The following ALDH3B1 variants were observed in gnomAD, a reference collection of about 807,000 sequenced individuals.
ALDH3B1 encodes the protein aldehyde dehydrogenase 3 family member B1.
A neutral mutation model predicts 46.2 loss-of-function variants in ALDH3B1; 37 were observed. The observed-to-expected ratio is 0.80, with a 90% CI of 0.62 to 1.05. The LOEUF is 1.05. ALDH3B1 is among the 50% of genes least tolerant of loss of function. The probability of loss-of-function intolerance (pLI) is 0.00; values close to 1 mark genes in which losing one functional copy is unlikely to be tolerated. For missense variants in ALDH3B1, 603 were observed against 665.5 expected, an observed-to-expected ratio of 0.91 and a Z score of 1.03; for synonymous variants, 283 against 281.0, an observed-to-expected ratio of 1.01 and a Z score of -0.07.
At position 68,021,645 on chromosome 11, in the gene ALDH3B1, C is replaced by A. The variant is rs374973115; in HGVS notation, c.723C>A (p.Gly241=). The change falls in exon 7 of 10, where the codon GGC becomes GGA. Residue 241 remains glycine, a synonymous_variant. Coordinates refer to ENST00000342456, the MANE Select transcript of ALDH3B1 (RefSeq NM_000694.4). ...CCTGGTTCCGCTACTTCAACGCCGG[C>A]CAGACCTGCGTGGCCCCCGACTACG... is the stretch of plus-strand genomic sequence containing the variant. ...RVAWFRYFNA[G]QTCVAPDYVL... 1 of 1,613,912 alleles carries A rather than the reference C, an allele frequency of 6.2e-7. No individual in the cohort carries two copies. Among genetic ancestry groups the A allele is most frequent in the African/African-American group, 1.3e-5 (1 of 74,896 alleles).
At chr11:68,019,069 C>A in intron 4 of ALDH3B1, 101 bp from the exon 5 acceptor site, 3 of 1,470,990 alleles carry the variant, frequency 2.0e-6, no homozygotes, top group South Asian at 1.2e-5. Context: ...GAACCAGGTT[C>A]TGCATCTGAA....
chr11:68,029,265 C>A lies in ALDH3B1; in HGVS notation c.*1326C>A, dbSNP rs1854682051. 2 of 152,390 alleles carry A rather than the reference C, an allele frequency of 1.3e-5. No individual in the cohort carries two copies. The highest frequency in any genetic ancestry group is 4.8e-5 in the African/African-American group (2 of 41,578). The allele number at this position is 152,390 out of a possible 1,614,324, so 9.4% of individuals were successfully genotyped here. A position where few individuals can be genotyped will look rare whatever the true frequency, so the allele number is the denominator to read the frequency against. On this transcript the variant is annotated 3_prime_UTR_variant, in exon 10 of 10. Coordinates refer to ENST00000342456, the MANE Select transcript of ALDH3B1 (RefSeq NM_000694.4). ...GCTGATGTCACCTGAATAAAGCCTT[C>A]TTCCCTGGCAATACTTACATCTCAG...
At chr11:68,018,931 C>T (rs781235814) in intron 4 of ALDH3B1, 38 bp downstream of exon 4, 22 of 1,536,298 alleles carry the variant, frequency 1.4e-5, no homozygotes, top group South Asian at 4.8e-5. Context: ...CACCCTTCTC[C>T]GCTCGAGGCC....
intron 2 of ALDH3B1, chr11:68,015,705 A>C: frequency 1.5e-6 from 1 of 682,948 alleles, no homozygotes; most frequent in Non-Finnish European, 2.7e-6. Context: ...ATAGCAGAGA[A>C]TAAAACACAG....
Position 68,021,670 on chromosome 11 carries a change from G to A in ALDH3B1, c.748G>A (p.Val250Ile), listed in dbSNP as rs1232456245. ...AGQTCVAPDY[V>I]LCSPEMQERL... is the part of the protein sequence containing the mutation. ...CCAGACCTGCGTGGCCCCCGACTAC[G>A]TCCTATGCAGCCCTGAGATGCAGGA... The change falls in exon 7 of 10, where the codon GTC (valine) becomes ATC (isoleucine). Residue 250 changes from valine to isoleucine, a missense_variant. Transcript: ENST00000342456. The A allele has an allele frequency of 8.1e-6, 13 of 1,613,886 alleles. No homozygotes were observed. Among genetic ancestry groups the A allele is most frequent in the Non-Finnish European group, 1.0e-5 (12 of 1,179,982 alleles).
At position 68,022,678 on chromosome 11, in the gene ALDH3B1, G is replaced by GA. The variant is rs1857532414; in HGVS notation, c.1033_1034insA (p.Val345AspfsTer137). 1.2e-6 allele frequency: 2 copies of GA among 1,614,050 alleles called. No individual in the cohort carries two copies. Among genetic ancestry groups the GA allele is most frequent in the African/African-American group, 2.7e-5 (2 of 74,916 alleles). On this transcript the variant is annotated frameshift_variant, in exon 8 of 10. Transcript: ENST00000342456. LOFTEE classifies it high-confidence loss of function. ...CGGGCCCATCCTGCCCATCGTGAACGTGCAGAGCTTGGACGAGGCCATCGA... is the reference window on the plus strand; with the variant it reads ...CGGGCCCATCCTGCCCATCGTGAACGATGCAGAGCTTGGACGAGGCCATCGA...
chr11:68,019,001 A>C (rs1014248868), intron 4 of ALDH3B1, 108 bp downstream of exon 4: 14 of 1,478,922 alleles, frequency 9.5e-6, no homozygotes, highest in Non-Finnish European at 1.3e-5. Flanking sequence ...GGCAAAGAGG[A>C]CTGTCTGGTC....
At chr11:68,009,948 C>A (rs1427635136), upstream of ALDH3B1, among the ~76,000 whole-genome samples, 1 of 152,106 alleles carries the variant, frequency 6.6e-6, no homozygotes, top group African/African-American at 2.4e-5. Context: ...CATAACATTC[C>A]ACATAATATT....
At chr11:68,018,319 G>A in intron 2 of ALDH3B1, 2 of 578,120 alleles carry the variant, frequency 3.5e-6, no homozygotes, top group South Asian at 4.1e-5. Context: ...ACTGCCCCCT[G>A]CAAGGTCGGC....
chr11:68,020,680 C>A (rs1234701706), intron 6 of ALDH3B1, among the ~76,000 whole-genome samples: 1 of 152,182 alleles, frequency 6.6e-6, no homozygotes, highest in African/African-American at 2.4e-5. Flanking sequence ...GGCAAAGGAG[C>A]CCTGGAAGGA....
chr11:68,009,835 TG>T (rs1203419925), upstream of ALDH3B1, among the ~76,000 whole-genome samples: 1 of 152,056 alleles, frequency 6.6e-6, no homozygotes, highest in African/African-American at 2.4e-5. Flanking sequence ...CCAGGCAAGG[TG>T]GTAGGAGGAG....
In ALDH3B1 at chr11:68,028,090, G is replaced by T; in HGVS notation, c.*151G>T. On this transcript the variant is annotated 3_prime_UTR_variant, in exon 10 of 10. Transcript: ENST00000342456. Reference sequence around the variant, plus strand: ...GCAGCGCCTGCCTCCTCCCTCCTGGGTCTTCCCTCTCCCTGCCTCAGCCTC... The same window carrying T: ...GCAGCGCCTGCCTCCTCCCTCCTGGTTCTTCCCTCTCCCTGCCTCAGCCTC... 1 of 1,045,676 alleles carries T rather than the reference G, an allele frequency of 9.6e-7. No homozygotes were observed. The highest frequency in any genetic ancestry group is 1.5e-6 in the Non-Finnish European group (1 of 676,040). The allele number at this position is 1,045,676 out of a possible 1,614,324, so 64.8% of individuals were successfully genotyped here. A position where few individuals can be genotyped will look rare whatever the true frequency, so the allele number is the denominator to read the frequency against.
At chr11:68,014,665 C>T (rs1565133164) in intron 1 of ALDH3B1, among the ~76,000 whole-genome samples, 1 of 152,118 alleles carries the variant, frequency 6.6e-6, no homozygotes, top group East Asian at 1.9e-4. Flanking sequence ...GAGGTGTTCT[C>T]CCCCTCTTCC....
In ALDH3B1 at chr11:68,015,296, G is replaced by C; in HGVS notation, c.-1-1G>C. On this transcript the variant is annotated splice_acceptor_variant, in intron 1 of 9. Transcript: ENST00000342456. LOFTEE classifies it low-confidence loss of function (5UTR_SPLICE). ...CCAGTTCATGCCACCCCATCTGGCA[G>C]GATGGACCCCCTTGGGGACACGCTG... 1 of 1,476,608 alleles carries C rather than the reference G, an allele frequency of 6.8e-7. No homozygotes were observed. The highest frequency in any genetic ancestry group is 2.5e-4 in the Middle Eastern group (1 of 4,060). 91.5% of individuals were successfully genotyped at this position (1,476,608 alleles called of 1,614,324 possible).
At chr11:68,025,744 C>T (rs1171094041) in intron 8 of ALDH3B1, among the ~76,000 whole-genome samples, 1 of 152,186 alleles carries the variant, frequency 6.6e-6, no homozygotes, top group Non-Finnish European at 1.5e-5. Flanking sequence ...GCCCCTACCC[C>T]CAGCCCTAAG....
At chr11:68,020,970 G>C (rs549673111) in intron 6 of ALDH3B1, among the ~76,000 whole-genome samples, 3 of 152,172 alleles carry the variant, frequency 2.0e-5, no homozygotes, top group Non-Finnish European at 4.4e-5. Flanking sequence ...ACATGGGGAC[G>C]CCTGCATCAG....
At chr11:68,016,025 C>T in intron 2 of ALDH3B1, 1 of 211,628 alleles carries the variant, frequency 4.7e-6, no homozygotes. Flanking sequence ...AAGGTCACAC[C>T]ACTGCACTCC....
chr11:68,028,183 C>T lies in ALDH3B1; in HGVS notation c.*244C>T, dbSNP rs1260862396. ...ATGGGAAACAGTGCAGTGACTCACC[C>T]CCTGCCCCCGCACCAACCACCCATA... is the stretch of plus-strand genomic sequence containing the variant. On this transcript the variant is annotated 3_prime_UTR_variant, in exon 10 of 10. Transcript: ENST00000342456. 2.9e-6 allele frequency: 2 copies of T among 697,110 alleles called. No individual in the cohort carries two copies. The highest frequency in any genetic ancestry group is 5.2e-6 in the Non-Finnish European group (2 of 382,466). The allele number at this position is 697,110 out of a possible 1,614,324, so 43.2% of individuals were successfully genotyped here.
At chr11:68,009,695 G>C (rs1351348409), upstream of ALDH3B1, among the ~76,000 whole-genome samples, 1 of 152,224 alleles carries the variant, frequency 6.6e-6, no homozygotes, top group Non-Finnish European at 1.5e-5. Flanking sequence ...GTTTAGGTCA[G>C]GGGTTGATAT....
Sources: gnomAD v4.1 joint callset for allele counts (sites outside exome capture counted in the v4.1 genomes callset) on GRCh38, gnomAD v4.1.1 for gene constraint, MANE v1.5 for transcripts, NCBI Gene and HGNC (gene_info 2026-07-23, HGNC 2026-07-21) for gene names.